ZBTB20: variants seen among roughly 807,000 people sequenced by gnomAD.
ZBTB20 encodes the protein zinc finger and BTB domain-containing protein 20.
A neutral mutation model predicts 56.9 loss-of-function variants in ZBTB20; 9 were observed. The observed-to-expected ratio is 0.16, with a 90% CI of 0.10 to 0.28. ZBTB20 has a LOEUF of 0.28. ZBTB20 is among the 10% of genes least tolerant of loss of function. The pLI, the probability that ZBTB20 is intolerant of heterozygous loss-of-function variation, is 1.00. For synonymous variants in ZBTB20, 417 were observed against 420.7 expected, an observed-to-expected ratio of 0.99 and a Z score of 0.11; for missense variants, 655 against 1,003.0, an observed-to-expected ratio of 0.65 and a Z score of 4.69.
intron 6 of ZBTB20, among the ~76,000 whole-genome samples, chr3:114,524,527 A>G (rs1257390446): frequency 2.0e-5 from 3 of 152,220 alleles, no homozygotes; most frequent in Admixed American, 6.5e-5. Flanking sequence ...AGACAACTGC[A>G]TCAAGGGGGA....
At chr3:114,390,089 G>A (rs150335133) in intron 7 of ZBTB20, among the ~76,000 whole-genome samples, 8 of 151,956 alleles carry the variant, frequency 5.3e-5, no homozygotes, top group East Asian at 3.9e-4. Flanking sequence ...TCTCCTCAGC[G>A]TCTGGCAGCC....
intron 7 of ZBTB20, among the ~76,000 whole-genome samples, chr3:114,392,946 G>T (rs2086011604): frequency 6.6e-6 from 1 of 152,180 alleles, no homozygotes; most frequent in Non-Finnish European, 1.5e-5. Context: ...TTATTACTTG[G>T]CCAGAAAAGC....
rs532620337 is a variant in ZBTB20 at position 114,449,995 on chromosome 3, T to C, written c.-255+50357A>G. 7.8e-4 allele frequency among the ~76,000 whole-genome samples: 119 copies of C among 152,266 alleles called. 4 individuals are homozygous for C. The South Asian group carries it at 0.024, about 31-fold the overall frequency. On this transcript the variant is annotated intron_variant, in intron 7 of 11. Coordinates refer to ENST00000675478, the MANE Select transcript of ZBTB20 (RefSeq NM_001348800.3). ...GAAAAGTTAAGGCAGGCAACTCCTA[T>C]AAAAAAGGAAAGTTGAACAGTACTT...
chr3:114,917,718 A>C (rs936530066), intron 3 of ZBTB20, among the ~76,000 whole-genome samples: 4 of 149,022 alleles, frequency 2.7e-5, no homozygotes, highest in African/African-American at 9.9e-5. Flanking sequence ...ACTTTCTCCC[A>C]AACAGAGTCT....
chr3:114,451,437 G>A (rs2091600795), intron 7 of ZBTB20, among the ~76,000 whole-genome samples: 1 of 152,024 alleles, frequency 6.6e-6, no homozygotes, highest in South Asian at 2.1e-4. Flanking sequence ...TAATGGATGT[G>A]TTTAAAAATG....
At chr3:114,974,969 G>T (rs2078037811) in intron 2 of ZBTB20, among the ~76,000 whole-genome samples, 1 of 152,152 alleles carries the variant, frequency 6.6e-6, no homozygotes, top group South Asian at 2.1e-4. Flanking sequence ...AGGGTAACAT[G>T]TTCAGTACAG....
chr3:114,728,423 G>A (rs2065467799), intron 5 of ZBTB20, among the ~76,000 whole-genome samples: 2 of 152,176 alleles, frequency 1.3e-5, no homozygotes, highest in South Asian at 4.1e-4. Flanking sequence ...GTCAAACTGT[G>A]CAGACCTGGA....
In ZBTB20 at chr3:114,351,174, G is replaced by C. The variant is rs1285868942; in HGVS notation, c.904C>G (p.Leu302Val). The change falls in exon 11 of 12, where the codon CTG (leucine) becomes GTG (valine). Residue 302 changes from leucine (L) to valine (V), a missense_variant. Coordinates refer to ENST00000675478, the MANE Select transcript of ZBTB20 (RefSeq NM_001348800.3). The part of the protein sequence containing the change: ...HERSQQMERY[L>V]STTPETTHCR... ...TGCGTGGTCTCGGGGGTGGTGGACA[G>C]GTAGCGCTCCATCTGCTGCGAGCGC... 6.2e-7 allele frequency: 1 copy of C among 1,602,874 alleles called. No individual in the cohort carries two copies. Among genetic ancestry groups the C allele is most frequent in the Admixed American group, 1.7e-5 (1 of 59,952 alleles).
At chr3:114,987,501 C>T (rs904893337) in intron 2 of ZBTB20, among the ~76,000 whole-genome samples, 1 of 152,102 alleles carries the variant, frequency 6.6e-6, no homozygotes, top group Non-Finnish European at 1.5e-5. Context: ...AATCACAAAA[C>T]GTTGCAATAT....
chr3:115,019,513 T>A (rs1369152553), intron 2 of ZBTB20, among the ~76,000 whole-genome samples: 1 of 151,290 alleles, frequency 6.6e-6, no homozygotes, highest in Non-Finnish European at 1.5e-5. Context: ...ACTTAATACA[T>A]ACTGAAATGG....
chr3:115,122,511 A>C (rs1367454323), intron 1 of ZBTB20, among the ~76,000 whole-genome samples: 1 of 152,074 alleles, frequency 6.6e-6, no homozygotes, highest in African/African-American at 2.4e-5. Context: ...ATCAAGTCAA[A>C]TTATGTCTCC....
chr3:114,893,465 G>A (rs2076894890), intron 4 of ZBTB20, among the ~76,000 whole-genome samples: 1 of 152,188 alleles, frequency 6.6e-6, no homozygotes, highest in Non-Finnish European at 1.5e-5. Context: ...AAGCTTCAAA[G>A]TGAGAAACAA....
At chr3:115,047,100 C>T (rs2081361499) in intron 2 of ZBTB20, among the ~76,000 whole-genome samples, 1 of 152,134 alleles carries the variant, frequency 6.6e-6, no homozygotes, top group African/African-American at 2.4e-5. Context: ...TCTCTCTGAA[C>T]ATATTTGTCA....
chr3:114,898,757 C>T (rs977854523), intron 4 of ZBTB20, among the ~76,000 whole-genome samples: 1 of 151,866 alleles, frequency 6.6e-6, no homozygotes, highest in African/African-American at 2.4e-5. Context: ...AAAAGGATTC[C>T]AAATGGGCCA....
chr3:114,705,195 C>T (rs1289151553), intron 5 of ZBTB20, among the ~76,000 whole-genome samples: 4 of 152,058 alleles, frequency 2.6e-5, no homozygotes, highest in African/African-American at 9.7e-5. Context: ...CTAACCCTTC[C>T]CTCACCACCA....
intron 5 of ZBTB20, among the ~76,000 whole-genome samples, chr3:114,765,706 T>A (rs1383009675): frequency 2.6e-5 from 4 of 152,204 alleles, no homozygotes. Context: ...AAGTTCAGAA[T>A]ATATTGTTTA....
intron 4 of ZBTB20, among the ~76,000 whole-genome samples, chr3:114,867,639 T>C (rs2075821187): frequency 6.6e-6 from 1 of 152,138 alleles, no homozygotes; most frequent in Admixed American, 6.6e-5. Context: ...CTCACCATGT[T>C]GGCCAGGCTG....
At chr3:114,501,408 T>C (rs539810085) in intron 6 of ZBTB20, among the ~76,000 whole-genome samples, 1 of 152,050 alleles carries the variant, frequency 6.6e-6, no homozygotes, top group East Asian at 2.0e-4. Context: ...GGTGGATCAC[T>C]TGAGGTCAGG....
intron 4 of ZBTB20, among the ~76,000 whole-genome samples, chr3:114,842,967 C>G (rs1156818696): frequency 6.6e-6 from 1 of 152,078 alleles, no homozygotes; most frequent in Non-Finnish European, 1.5e-5. Flanking sequence ...GGCGATTTTC[C>G]CCATGCTCTT....
Sources: allele counts gnomAD v4.1 joint callset (sites outside exome capture counted in the v4.1 genomes callset), GRCh38; gene constraint gnomAD v4.1.1; transcripts MANE v1.5; gene names NCBI Gene and HGNC (gene_info 2026-07-23, HGNC 2026-07-21).